Variants in TMOD1 observed in about 807,000 individuals in gnomAD.
The protein encoded by TMOD1 is tropomodulin-1.
TMOD1 carries 17 observed loss-of-function variants against 40.6 expected under a neutral mutation model. The observed-to-expected ratio is 0.42, with a 90% confidence interval of 0.29 to 0.63. The LOEUF (loss-of-function observed/expected upper bound fraction) is 0.63. Ranked by LOEUF, TMOD1 falls within the 20% of genes least tolerant of loss-of-function variation. The pLI is 0.22. For missense variants in TMOD1, 391 were observed against 447.6 expected (o/e 0.87, Z 1.14); for synonymous variants, 181 against 175.0 (o/e 1.03, Z -0.27).
At chr9:97,525,079 C>T (rs1829989663) in intron 2 of TMOD1, among the ~76,000 whole-genome samples, 1 of 150,092 alleles carries the variant, frequency 6.7e-6, no homozygotes, top group African/African-American at 2.5e-5. Context: ...ACTTAATTTC[C>T]AAATAAAGAC....
intron 4 of TMOD1, among the ~76,000 whole-genome samples, chr9:97,559,773 A>T (rs1467274019): frequency 4.2e-4 from 2 of 4,792 alleles, no homozygotes; most frequent in African/African-American, 1.6e-3. Context: ...TCAAAAATTT[A>T]AAAAAAAAAA....
chr9:97,584,506 G>A (rs1265638952), intron 8 of TMOD1, among the ~76,000 whole-genome samples: 1 of 152,108 alleles, frequency 6.6e-6, no homozygotes, highest in African/African-American at 2.4e-5. Flanking sequence ...TTCTGTAGAT[G>A]TCTATTAGGT....
chr9:97,563,125 C>A (rs953727782), intron 5 of TMOD1, among the ~76,000 whole-genome samples: 1 of 152,214 alleles, frequency 6.6e-6, no homozygotes, highest in Non-Finnish European at 1.5e-5. Flanking sequence ...ACAATCTTGA[C>A]ACACTGCAGC....
chr9:97,560,177 AT>A (rs1205010360), intron 4 of TMOD1, among the ~76,000 whole-genome samples: 6 of 152,070 alleles, frequency 3.9e-5, no homozygotes, highest in African/African-American at 1.4e-4. Context: ...TAAATACCGT[AT>A]TCAGGGAGAG....
intron 8 of TMOD1, among the ~76,000 whole-genome samples, chr9:97,582,860 G>C (rs1332164089): frequency 6.7e-6 from 1 of 148,180 alleles, no homozygotes; most frequent in African/African-American, 2.5e-5. Flanking sequence ...TGTATCCTGA[G>C]ACTTTGCTGA....
chr9:97,539,161 T>A (rs1830237976), intron 2 of TMOD1, among the ~76,000 whole-genome samples: 1 of 152,220 alleles, frequency 6.6e-6, no homozygotes, highest in South Asian at 2.1e-4. Flanking sequence ...TAGCCCTACA[T>A]GTTAACACAC....
chr9:97,504,875 G>T (rs1564224978), intron 1 of TMOD1, among the ~76,000 whole-genome samples: 1 of 152,186 alleles, frequency 6.6e-6, no homozygotes, highest in South Asian at 2.1e-4. Context: ...AAAGAGGCCA[G>T]TTTACTTTTC....
In TMOD1 at chr9:97,585,853, C is replaced by CA. The variant is rs989836755; in HGVS notation, c.871-5437dup. Among the ~76,000 whole-genome samples the CA allele has an allele frequency of 2.0e-3, 280 of 137,628 alleles. 5 individuals carry two copies. The highest frequency in any genetic ancestry group is 7.5e-3 in the African/African-American group (262 of 34,944). 90.3% of individuals were successfully genotyped at this position (137,628 alleles called of 152,430 possible). A position where few individuals can be genotyped will look rare whatever the true frequency, so the allele number is the denominator to read the frequency against. ...GTTCTCGAGCCTTGGTTTTCAGCTC[C>CA]ATCAGCTCCTTTAAGCACTTCTCTG... On this transcript the variant is annotated intron_variant, in intron 8 of 9. Coordinates refer to ENST00000259365, the MANE Select transcript of TMOD1 (RefSeq NM_003275.4).
intron 8 of TMOD1, among the ~76,000 whole-genome samples, chr9:97,585,057 C>T (rs1452691380): frequency 6.6e-6 from 1 of 152,048 alleles, no homozygotes; most frequent in African/African-American, 2.4e-5. Flanking sequence ...ATGATGTTAG[C>T]TGGTTATTTT....
chr9:97,570,037 C>A (rs1830794844), intron 8 of TMOD1, among the ~76,000 whole-genome samples: 1 of 151,954 alleles, frequency 6.6e-6, no homozygotes, highest in South Asian at 2.1e-4. Flanking sequence ...TTACAAAATT[C>A]TAAACAGTGG....
At position 97,599,752 on chromosome 9, in the gene TMOD1, G is replaced by GTGCTC; in HGVS notation, c.*58_*62dup. 1 of 1,613,134 alleles carries GTGCTC rather than the reference G, an allele frequency of 6.2e-7. No homozygotes were observed. On this transcript the variant is annotated 3_prime_UTR_variant, in exon 10 of 10. Transcript: ENST00000259365. The stretch of plus-strand genomic sequence containing the variant: ...ACTGGATGTGTTCTATTGATGACCT[G>GTGCTC]TGCTCTGCAGGGGAAACCAGAAGGC...
At chr9:97,559,094 A>C (rs577516797) in intron 4 of TMOD1, among the ~76,000 whole-genome samples, 3 of 152,290 alleles carry the variant, frequency 2.0e-5, no homozygotes, top group African/African-American at 7.2e-5. Flanking sequence ...AGTCAGCCAT[A>C]TGAGGCTACA....
chr9:97,558,449 G>T (rs912707979), intron 4 of TMOD1, among the ~76,000 whole-genome samples: 2 of 152,026 alleles, frequency 1.3e-5, no homozygotes, highest in African/African-American at 4.8e-5. Flanking sequence ...TTGTTTGTTT[G>T]TTTGTTTGTT....
At chr9:97,574,206 G>A (rs1299864362) in intron 8 of TMOD1, among the ~76,000 whole-genome samples, 1 of 152,136 alleles carries the variant, frequency 6.6e-6, no homozygotes, top group Non-Finnish European at 1.5e-5. Flanking sequence ...TCAGCTTGCG[G>A]GGAGGTGTGG....
chr9:97,526,585 C>T (rs937014609), intron 2 of TMOD1, among the ~76,000 whole-genome samples: 5 of 151,784 alleles, frequency 3.3e-5, no homozygotes, highest in African/African-American at 1.2e-4. Context: ...TTTTTTAAAC[C>T]AGCCATTGCT....
At chr9:97,514,601 C>T (rs963359583) in intron 1 of TMOD1, among the ~76,000 whole-genome samples, 1 of 152,176 alleles carries the variant, frequency 6.6e-6, no homozygotes, top group African/African-American at 2.4e-5. Flanking sequence ...CATTCAGCCT[C>T]CCACTTCCCA....
intron 2 of TMOD1, among the ~76,000 whole-genome samples, chr9:97,544,236 A>G (rs1830321655): frequency 1.3e-5 from 2 of 152,186 alleles, no homozygotes; most frequent in African/African-American, 4.8e-5. Context: ...TACACCTTTT[A>G]AAAAATGATG....
intron 9 of TMOD1, among the ~76,000 whole-genome samples, chr9:97,596,611 G>A (rs1468708581): frequency 6.6e-6 from 1 of 152,162 alleles, no homozygotes; most frequent in Non-Finnish European, 1.5e-5. Flanking sequence ...TTGGCAATGT[G>A]GCTCCAGTGC....
At chr9:97,510,569 C>T (rs570270341) in intron 1 of TMOD1, among the ~76,000 whole-genome samples, 21 of 152,298 alleles carry the variant, frequency 1.4e-4, no homozygotes, top group African/African-American at 3.4e-4. Context: ...TTTTGACTTA[C>T]GGCTATCAAA....
Sources: gnomAD v4.1 joint callset for allele counts (sites outside exome capture counted in the v4.1 genomes callset) on GRCh38, gnomAD v4.1.1 for gene constraint, MANE v1.5 for transcripts, NCBI Gene and HGNC (gene_info 2026-07-23, HGNC 2026-07-21) for gene names.